ARL8B: variants seen among roughly 807,000 people sequenced by gnomAD.
The protein encoded by ARL8B is ADP-ribosylation factor-like protein 8B.
In ARL8B, 9 loss-of-function variants were observed where a neutral mutation model predicts 30.6. That is an observed-to-expected ratio of 0.29 (90% CI 0.18 to 0.51). The LOEUF is 0.51. Among genes scored for constraint, ARL8B ranks in the 20% least tolerant of loss-of-function variants. The pLI is 0.97. For synonymous variants in ARL8B, 74 were observed against 76.0 expected (o/e 0.97, Z 0.14); for missense variants, 130 against 227.2 (o/e 0.57, Z 2.75).
intron 1 of ARL8B, among the ~76,000 whole-genome samples, chr3:5,137,985 T>G (rs565159198): frequency 3.3e-5 from 5 of 152,158 alleles, no homozygotes; most frequent in Admixed American, 6.5e-5. Flanking sequence ...TCTGTCATTT[T>G]GAGAGAGAAA....
rs1342981437 is a variant in ARL8B at position 5,179,575 on chromosome 3, TGTCA to T, written c.*866_*869del. On this transcript the variant is annotated 3_prime_UTR_variant, in exon 7 of 7. Coordinates refer to ENST00000256496, the MANE Select transcript of ARL8B (RefSeq NM_018184.3). Reference sequence around the variant, plus strand: ...CCAATATAATAAAACCTGTTAAGAATGTCAGTCTTTGTTCAAACATCTGTTTGTT... The same window carrying T: ...CCAATATAATAAAACCTGTTAAGAATGTCTTTGTTCAAACATCTGTTTGTT... The T allele has an allele frequency of 6.5e-6, 1 of 152,676 alleles. No individual in the cohort carries two copies. Among genetic ancestry groups the T allele is most frequent in the Non-Finnish European group, 1.5e-5 (1 of 68,034 alleles). 9.5% of individuals were successfully genotyped at this position (152,676 alleles called of 1,614,324 possible).
At chr3:5,150,548 C>G (rs1010806652) in intron 1 of ARL8B, among the ~76,000 whole-genome samples, 17 of 151,712 alleles carry the variant, frequency 1.1e-4, no homozygotes, top group Non-Finnish European at 4.4e-5. Flanking sequence ...TTTGGTAGGC[C>G]AAGGTGGGCA....
At chr3:5,177,881 T>G (rs149760650) in intron 6 of ARL8B, among the ~76,000 whole-genome samples, 1 of 152,352 alleles carries the variant, frequency 6.6e-6, no homozygotes, top group East Asian at 1.9e-4. Context: ...CAGAGGTGCT[T>G]CTTCAGTAGT....
At chr3:5,128,881 G>C (rs1436043090) in intron 1 of ARL8B, among the ~76,000 whole-genome samples, 1 of 152,016 alleles carries the variant, frequency 6.6e-6, no homozygotes, top group African/African-American at 2.4e-5. Flanking sequence ...TTATATTCTG[G>C]TTTAATTGTT....
intron 1 of ARL8B, among the ~76,000 whole-genome samples, chr3:5,134,203 C>G (rs149701317): frequency 6.6e-6 from 1 of 152,086 alleles, no homozygotes; most frequent in Non-Finnish European, 1.5e-5. Context: ...TGTCACTTAC[C>G]GTACCCTGCT....
chr3:5,152,943 A>G (rs2054497247), intron 1 of ARL8B, among the ~76,000 whole-genome samples: 1 of 152,230 alleles, frequency 6.6e-6, no homozygotes, highest in African/African-American at 2.4e-5. Context: ...AGTTCAAATA[A>G]TCATTTAATT....
chr3:5,169,557 TG>T (rs2054652784), intron 1 of ARL8B, among the ~76,000 whole-genome samples: 1 of 129,428 alleles, frequency 7.7e-6, no homozygotes, highest in African/African-American at 3.6e-5. Flanking sequence ...CAGTGCTTTC[TG>T]TTTTTTTTCT....
intron 1 of ARL8B, among the ~76,000 whole-genome samples, chr3:5,159,335 G>C (rs1244084930): frequency 6.6e-6 from 1 of 150,504 alleles, no homozygotes; most frequent in Non-Finnish European, 1.5e-5. Flanking sequence ...AGGTGCGGTG[G>C]CTCATGCCTG....
chr3:5,130,929 CT>C (rs1204345533), intron 1 of ARL8B, among the ~76,000 whole-genome samples: 2 of 151,942 alleles, frequency 1.3e-5, no homozygotes, highest in East Asian at 1.9e-4. Context: ...TCGCTCTTTT[CT>C]TTTTTTTCTT....
intron 1 of ARL8B, among the ~76,000 whole-genome samples, chr3:5,135,645 G>A (rs576011680): frequency 1.5e-4 from 23 of 151,852 alleles, no homozygotes; most frequent in African/African-American, 5.5e-4. Context: ...TTTTGGTAGA[G>A]ACGGAGTTTC....
chr3:5,124,570 A>T (rs1442014606), intron 1 of ARL8B, among the ~76,000 whole-genome samples: 7 of 151,986 alleles, frequency 4.6e-5, no homozygotes, highest in Non-Finnish European at 2.9e-5. Flanking sequence ...GGCTTATGTG[A>T]TCTTCCCTGT....
At chr3:5,145,602 C>T (rs1231483928) in intron 1 of ARL8B, among the ~76,000 whole-genome samples, 1 of 152,208 alleles carries the variant, frequency 6.6e-6, no homozygotes, top group Non-Finnish European at 1.5e-5. Flanking sequence ...GGAATGGTTT[C>T]TCTAAAGATG....
At chr3:5,131,642 C>T (rs186822957) in intron 1 of ARL8B, among the ~76,000 whole-genome samples, 8 of 151,628 alleles carry the variant, frequency 5.3e-5, no homozygotes, top group African/African-American at 9.7e-5. Flanking sequence ...CCACCCACCT[C>T]GGCCTCCCAA....
intron 1 of ARL8B, among the ~76,000 whole-genome samples, chr3:5,143,760 A>T (rs2054396156): frequency 6.6e-6 from 1 of 152,254 alleles, no homozygotes; most frequent in Admixed American, 6.5e-5. Flanking sequence ...AGTTTGAGTC[A>T]GAAGTCCTTT....
chr3:5,151,723 C>CG (rs1456595818), intron 1 of ARL8B, among the ~76,000 whole-genome samples: 4 of 118,878 alleles, frequency 3.4e-5, no homozygotes, highest in Admixed American at 8.4e-5. Context: ...CTCCCCCCAC[C>CG]CCCCCCCTTG....
intron 1 of ARL8B, among the ~76,000 whole-genome samples, chr3:5,125,761 G>A (rs1337288642): frequency 6.6e-6 from 1 of 152,116 alleles, no homozygotes; most frequent in Non-Finnish European, 1.5e-5. Context: ...TCGAACTCCT[G>A]GTCTCAAGTA....
intron 6 of ARL8B, among the ~76,000 whole-genome samples, chr3:5,178,393 C>T (rs2054749403): frequency 7.0e-6 from 1 of 142,630 alleles, no homozygotes; most frequent in Admixed American, 7.3e-5. Flanking sequence ...AATTTGCATG[C>T]AACACCTGAT....
chr3:5,122,672 C>G, intron 1 of ARL8B, 84 bp downstream of exon 1: 3 of 1,462,452 alleles, frequency 2.1e-6, no homozygotes, highest in South Asian at 1.4e-5. Context: ...GTTGGGGCCC[C>G]CCTCGGCGCG....
At chr3:5,159,738 G>T (rs1407835146) in intron 1 of ARL8B, among the ~76,000 whole-genome samples, 2 of 151,314 alleles carry the variant, frequency 1.3e-5, no homozygotes, top group East Asian at 1.9e-4. Flanking sequence ...CCTAGAAATA[G>T]ATTTAGAAAG....
Sources: allele counts gnomAD v4.1 joint callset (sites outside exome capture counted in the v4.1 genomes callset), GRCh38; gene constraint gnomAD v4.1.1; transcripts MANE v1.5; gene names NCBI Gene and HGNC (gene_info 2026-07-23, HGNC 2026-07-21).